Variants in CYRIB observed in about 807,000 individuals in gnomAD.
CYRIB encodes the protein CYFIP-related Rac1 interactor B.
Under a neutral mutation model 44.2 loss-of-function variants are expected in CYRIB, and 8 were observed. The observed-to-expected ratio is 0.18, with a 90% confidence interval of 0.11 to 0.33. The LOEUF is 0.33. CYRIB is among the 10% of genes least tolerant of loss of function. The pLI is 1.00. For missense variants in CYRIB, 185 were observed against 382.8 expected, an observed-to-expected ratio of 0.48 and a Z score of 4.31; for synonymous variants, 131 against 127.2, an observed-to-expected ratio of 1.03 and a Z score of -0.20.
chr8:129,848,108 C>T (rs1481664514), intron 10 of CYRIB, among the ~76,000 whole-genome samples: 4 of 152,066 alleles, frequency 2.6e-5, no homozygotes, highest in Middle Eastern at 6.3e-3. Flanking sequence ...ACCCGGCCTA[C>T]TAGCAATTCT....
intron 5 of CYRIB, 52 bp downstream of exon 7, chr8:129,862,177 A>G: frequency 7.6e-7 from 1 of 1,315,618 alleles, no homozygotes; most frequent in Non-Finnish European, 1.1e-6. Context: ...TTCTGGAATG[A>G]ATAAACATCT....
intron 2 of CYRIB, among the ~76,000 whole-genome samples, chr8:129,965,238 C>T (rs1056574337): frequency 1.6e-5 from 2 of 121,462 alleles, no homozygotes; most frequent in Non-Finnish European, 3.4e-5. Context: ...ATACAGAATT[C>T]CCCCAGACAC....
chr8:129,888,228 C>T (rs900075863), intron 2 of CYRIB, among the ~76,000 whole-genome samples: 2 of 152,200 alleles, frequency 1.3e-5, no homozygotes. Flanking sequence ...TTCCCCATCT[C>T]TCTTCCTCCT....
At chr8:129,891,781 T>G (rs1448539396) in intron 2 of CYRIB, among the ~76,000 whole-genome samples, 1 of 152,224 alleles carries the variant, frequency 6.6e-6, no homozygotes, top group African/African-American at 2.4e-5. Context: ...CTGGCTATTA[T>G]TCTACATCCA....
chr8:129,923,833 T>C (rs1468964187), intron 1 of CYRIB, among the ~76,000 whole-genome samples: 1 of 150,356 alleles, frequency 6.7e-6, no homozygotes, highest in Non-Finnish European at 1.5e-5. Context: ...GAATATTTGC[T>C]TTAAGGAGGA....
intron 1 of CYRIB, among the ~76,000 whole-genome samples, chr8:129,935,896 TGTG>T (rs2092712169): frequency 6.6e-6 from 1 of 152,188 alleles, no homozygotes. Flanking sequence ...GATGTGAAGG[TGTG>T]TTGCAAGAAA....
intron 11 of CYRIB, among the ~76,000 whole-genome samples, chr8:129,842,961 G>A (rs1226898466): frequency 6.6e-6 from 1 of 152,080 alleles, no homozygotes; most frequent in Non-Finnish European, 1.5e-5. Context: ...CATGTGTTTT[G>A]CTACATGCAT....
intron 1 of CYRIB, among the ~76,000 whole-genome samples, chr8:129,939,390 T>A (rs1257084539): frequency 4.8e-5 from 7 of 146,094 alleles, no homozygotes; most frequent in Non-Finnish European, 1.1e-4. Context: ...AAGACCCGAA[T>A]GAATGAGCGC....
At chr8:129,913,760 C>T (rs79010164) in intron 1 of CYRIB, among the ~76,000 whole-genome samples, 3,507 of 152,144 alleles carry the variant, frequency 0.023, 145 homozygotes, top group African/African-American at 0.08. Context: ...TAATACCTAC[C>T]ACCTAATTGG....
rs538169712 is a variant in CYRIB, at chr8:129,840,087, T to C, written c.*2055A>G. 6.2e-5 allele frequency: 10 copies of C among 162,538 alleles called. No individual in the cohort carries two copies. In the East Asian group the frequency reaches 1.9e-3, roughly 31 times the overall value. The allele number at this position is 162,538 out of a possible 1,614,324, so 10.1% of individuals were successfully genotyped here. ...GCGCAGGTAAGTATCAGAGGTGTTTTACGAGATACATGTATCAGATTCTTA... is the reference window on the plus strand; with the variant it reads ...GCGCAGGTAAGTATCAGAGGTGTTTCACGAGATACATGTATCAGATTCTTA... On this transcript the variant is annotated 3_prime_UTR_variant, in exon 12 of 12. Coordinates refer to ENST00000519824, the Ensembl canonical transcript of CYRIB.
At chr8:129,964,030 G>A (rs1395972092) in intron 2 of CYRIB, among the ~76,000 whole-genome samples, 1 of 152,196 alleles carries the variant, frequency 6.6e-6, no homozygotes, top group Non-Finnish European at 1.5e-5. Context: ...GGGGAAGAGA[G>A]AAAGTCTCTG....
At chr8:129,911,808 T>C (rs2078190874) in intron 1 of CYRIB, among the ~76,000 whole-genome samples, 1 of 152,224 alleles carries the variant, frequency 6.6e-6, no homozygotes, top group African/African-American at 2.4e-5. Context: ...ACCTTCTTAC[T>C]TCTGGATCTC....
intron 1 of CYRIB, among the ~76,000 whole-genome samples, chr8:129,935,647 A>G (rs2092670080): frequency 6.6e-6 from 1 of 152,196 alleles, no homozygotes; most frequent in South Asian, 2.1e-4. Context: ...AGAATTTAAT[A>G]TATATCATAC....
At chr8:129,960,584 T>C (rs951342245) in intron 2 of CYRIB, among the ~76,000 whole-genome samples, 3 of 146,822 alleles carry the variant, frequency 2.0e-5, no homozygotes, top group African/African-American at 2.5e-5. Context: ...GAGGCAGAGG[T>C]TGCAGTGAGC....
upstream of CYRIB, chr8:130,017,089 C>G (rs1387929033): frequency 6.6e-6 from 1 of 152,312 alleles, no homozygotes; most frequent in African/African-American, 2.4e-5. Context: ...GAATGCTGTC[C>G]ACGCACCCAT....
intron 1 of CYRIB, among the ~76,000 whole-genome samples, chr8:129,989,637 TTTC>T (rs1421346578): frequency 2.0e-5 from 3 of 147,562 alleles, no homozygotes; most frequent in East Asian, 2.0e-4. Context: ...CCTGATGCCC[TTTC>T]TTTTTTTTTT....
chr8:129,958,694 C>T (rs1022703464), intron 2 of CYRIB, among the ~76,000 whole-genome samples: 1 of 151,272 alleles, frequency 6.6e-6, no homozygotes, highest in Non-Finnish European at 1.5e-5. Flanking sequence ...CTTTTTCTCT[C>T]GAGCTCATTC....
chr8:129,885,976 T>C (rs975997869), intron 2 of CYRIB, among the ~76,000 whole-genome samples: 6 of 152,204 alleles, frequency 3.9e-5, no homozygotes, highest in African/African-American at 1.4e-4. Context: ...CTTTCTTCAG[T>C]AACCATACAC....
intron 1 of CYRIB, among the ~76,000 whole-genome samples, chr8:129,982,135 T>C (rs1213665439): frequency 6.6e-6 from 1 of 152,208 alleles, no homozygotes; most frequent in Non-Finnish European, 1.5e-5. Flanking sequence ...CCAAGATGGC[T>C]GGTCACTGGT....
Sources: allele counts gnomAD v4.1 joint callset (sites outside exome capture counted in the v4.1 genomes callset), GRCh38; gene constraint gnomAD v4.1.1; transcripts MANE v1.5; gene names NCBI Gene and HGNC (gene_info 2026-07-23, HGNC 2026-07-21).